Variants in FN3K observed in about 807,000 individuals in gnomAD.
FN3K encodes fructosamine-3-kinase.
FN3K carries 24 observed loss-of-function variants against 24.8 expected under a neutral mutation model. That is an observed-to-expected ratio of 0.97 (90% CI 0.70 to 1.36). The LOEUF is 1.36. FN3K is among the 40% of genes most tolerant of loss of function. FN3K has a pLI of 0.00. For synonymous variants in FN3K, 192 were observed against 175.2 expected, an observed-to-expected ratio of 1.10 and a Z score of -0.76; for missense variants, 449 against 416.7, an observed-to-expected ratio of 1.08 and a Z score of -0.67.
chr17:82,749,180 C>T (rs780886181), intron 5 of FN3K: 30 of 733,476 alleles, frequency 4.1e-5, no homozygotes, highest in Middle Eastern at 2.8e-4. Flanking sequence ...CTTGGCTCCT[C>T]GTGCCCCTCT....
At chr17:82,736,060 T>G (rs1598339515) in intron 1 of FN3K, 1 of 413,698 alleles carries the variant, frequency 2.4e-6, no homozygotes, top group Non-Finnish European at 4.4e-6. Context: ...AGGCTTGGGG[T>G]CCTTGGCTCA....
At chr17:82,747,517 C>T (rs2046975419) in intron 4 of FN3K, among the ~76,000 whole-genome samples, 1 of 152,206 alleles carries the variant, frequency 6.6e-6, no homozygotes, top group African/African-American at 2.4e-5. Context: ...TCTCCTGCCT[C>T]AGCCTCCCGA....
intron 1 of FN3K, among the ~76,000 whole-genome samples, chr17:82,736,944 G>A (rs1335393360): frequency 1.3e-5 from 2 of 150,674 alleles, no homozygotes; most frequent in African/African-American, 2.4e-5. Context: ...ACGAGGGGCC[G>A]GCACATAGTA....
chr17:82,746,810 A>T (rs746981987), intron 4 of FN3K, among the ~76,000 whole-genome samples: 14 of 152,060 alleles, frequency 9.2e-5, no homozygotes, highest in African/African-American at 3.4e-4. Flanking sequence ...GTCTCAAAAA[A>T]AAAATTTCCT....
Position 82,750,862 on chromosome 17 carries a change from C to T in FN3K, c.*107C>T, listed in dbSNP as rs543272952. ...CCCGTCCCTGTCCCCCTGTTCCCGTCTCCCCGTCCCTCCGTCTCCATCCCC... is the reference window on the plus strand; with the variant it reads ...CCCGTCCCTGTCCCCCTGTTCCCGTTTCCCCGTCCCTCCGTCTCCATCCCC... On this transcript the variant is annotated 3_prime_UTR_variant, in exon 6 of 6. Transcript: ENST00000300784. The T allele has an allele frequency of 6.3e-4, 486 of 766,066 alleles. 7 individuals are homozygous for T. The African/African-American group carries it at 0.011, about 18-fold the overall frequency. The allele number at this position is 766,066 out of a possible 1,614,324, so 47.5% of individuals were successfully genotyped here.
At chr17:82,743,474 CCTTG>C (rs2046951724) in intron 4 of FN3K, among the ~76,000 whole-genome samples, 1 of 152,172 alleles carries the variant, frequency 6.6e-6, no homozygotes, top group African/African-American at 2.4e-5. Flanking sequence ...GCTTCCCACT[CCTTG>C]GGAGGGCTCA....
Position 82,748,879 on chromosome 17 carries a change from C to T in FN3K, c.493C>T (p.Pro165Ser). The change falls in exon 5 of 6, where the codon CCG becomes TCG. Residue 165 changes from proline to serine, a missense_variant. Pro to Ser is a moderately conservative substitution (Grantham distance 74, BLOSUM62 -1). Transcript: ENST00000300784. ...PQVNEWQDDW[P>S]TFFARHRLQA... ...GGTGAATGAGTGGCAGGATGACTGG[C>T]CGACCTTTTTCGCCCGGCACCGGCT... 1 of 1,613,248 alleles carries T rather than the reference C, an allele frequency of 6.2e-7. No homozygotes were observed. Among genetic ancestry groups the T allele is most frequent in the Non-Finnish European group, 8.5e-7 (1 of 1,179,970 alleles).
At chr17:82,738,086 G>C (rs1244538699) in intron 1 of FN3K, 8 of 195,942 alleles carry the variant, frequency 4.1e-5, no homozygotes, top group Non-Finnish European at 7.5e-5. Flanking sequence ...GTGTGCCCAA[G>C]TTAGCTCCAG....
In FN3K at chr17:82,735,664, C is replaced by T. The variant is rs1437609508; in HGVS notation, c.28C>T (p.Arg10Cys). The T allele has an allele frequency of 3.9e-6, 6 of 1,538,242 alleles. No homozygotes were observed. Among genetic ancestry groups the T allele is most frequent in the Non-Finnish European group, 5.2e-6 (6 of 1,147,610 alleles). The change falls in exon 1 of 6, where the codon CGC becomes TGC. Residue 10 changes from arginine (R) to cysteine (C), a missense_variant. Arg to Cys is a radical substitution (Grantham distance 180). Transcript: ENST00000300784. ...GGAGCAGCTGCTGCGCGCCGAGCTG[C>T]GCACCGCGACCCTGCGGGCCTTCGG... is the stretch of plus-strand genomic sequence containing the variant. MEQLLRAEL[R>C]TATLRAFGGP...
At chr17:82,748,023 G>A (rs185437119) in intron 4 of FN3K, among the ~76,000 whole-genome samples, 3 of 152,248 alleles carry the variant, frequency 2.0e-5, no homozygotes, top group Admixed American at 2.0e-4. Context: ...TGTTATTAGA[G>A]GTGTAGGCAT....
intron 2 of FN3K, among the ~76,000 whole-genome samples, chr17:82,739,416 G>C (rs1333814647): frequency 6.6e-6 from 1 of 150,880 alleles, no homozygotes; most frequent in East Asian, 1.9e-4. Flanking sequence ...AGCCTCGCGA[G>C]TGGCTGGGAT....
rs779630733 is a variant in FN3K, at chr17:82,740,803, C to G, written c.334C>G (p.Leu112Val). 2 of 1,613,796 alleles carry G rather than the reference C, an allele frequency of 1.2e-6. No individual in the cohort carries two copies. The highest frequency in any genetic ancestry group is 1.7e-6 in the Non-Finnish European group (2 of 1,179,802). Residue 112 changes from leucine to valine, a missense_variant, in exon 3 of 6, where the codon CTT becomes GTT. Leu to Val is a conservative substitution (Grantham distance 32, BLOSUM62 1). Coordinates refer to ENST00000300784, the MANE Select transcript of FN3K (RefSeq NM_022158.4). ...KLGEQMADLH[L>V]YNQKLREKLK... ...TGGAGAGCAGATGGCAGATTTGCAT[C>G]TTTACAACCAGAAGCTCAGGGAGAA...
In FN3K at chr17:82,735,883, T is replaced by A. The variant is rs1021226265; in HGVS notation, c.141+106T>A. ...TCCTGGGGCTGGGCCTGGGGAGGGGTCAGCTTTGGCCCTTGGGAGGTGGCA... is the reference window on the plus strand; with the variant it reads ...TCCTGGGGCTGGGCCTGGGGAGGGGACAGCTTTGGCCCTTGGGAGGTGGCA... On this transcript the variant is annotated intron_variant, in intron 1 of 5. Coordinates refer to ENST00000300784, the MANE Select transcript of FN3K (RefSeq NM_022158.4). The A allele has an allele frequency of 1.8e-4, 261 of 1,456,428 alleles. 1 individual carries two copies. Among genetic ancestry groups the A allele is most frequent in the Non-Finnish European group, 9.4e-5 (102 of 1,083,094 alleles). 90.2% of individuals were successfully genotyped at this position (1,456,428 alleles called of 1,614,324 possible).
chr17:82,749,353 C>T (rs907780793), intron 5 of FN3K: 6 of 351,912 alleles, frequency 1.7e-5, no homozygotes, highest in African/African-American at 1.3e-4. Flanking sequence ...CCAGATGATC[C>T]AGAATGACTG....
intron 1 of FN3K, chr17:82,736,016 T>G: frequency 1.9e-6 from 1 of 531,760 alleles, no homozygotes; most frequent in East Asian, 3.5e-5. Context: ...GGGGTGGTTT[T>G]AACTTTCCTA....
intron 4 of FN3K, chr17:82,745,492 C>CAAA (rs1159345200): frequency 3.9e-5 from 6 of 152,482 alleles, no homozygotes; most frequent in African/African-American, 1.4e-4. Flanking sequence ...CTTGCTTTTC[C>CAAA]CCACACTCTC....
In FN3K at chr17:82,750,856, TCC is replaced by T. The variant is rs2047021689; in HGVS notation, c.*103_*104del. ...TGTGCCCCCGTCCCTGTCCCCCTGT[TCC>T]CGTCTCCCCGTCCCTCCGTCTCCAT... On this transcript the variant is annotated 3_prime_UTR_variant, in exon 6 of 6. Transcript: ENST00000300784. 8.7e-6 allele frequency: 6 copies of T among 685,790 alleles called. No homozygotes were observed. In the East Asian group the frequency reaches 1.4e-4, roughly 16 times the overall value. 42.5% of individuals were successfully genotyped at this position (685,790 alleles called of 1,614,324 possible). A position where few individuals can be genotyped will look rare whatever the true frequency, so the allele number is the denominator to read the frequency against.
Position 82,738,618 on chromosome 17 carries a change from TTGAAGA to T in FN3K, c.278_283del (p.Met93_Lys94del), listed in dbSNP as rs765051579. On this transcript the variant is annotated inframe_deletion, in exon 2 of 6. Coordinates refer to ENST00000300784, the MANE Select transcript of FN3K (RefSeq NM_022158.4). ...TGGGGCCGCCTTTGTGATGGAGCAT[TTGAAGA>T]TGAAGAGCTTGAGCAGGTGAGTGTG... The T allele has an allele frequency of 9.9e-6, 16 of 1,613,962 alleles. No homozygotes were observed. Among genetic ancestry groups the T allele is most frequent in the Non-Finnish European group, 8.5e-7 (1 of 1,179,974 alleles).
At position 82,750,679 on chromosome 17, in the gene FN3K, A is replaced by C. The variant is rs770916058; in HGVS notation, c.854A>C (p.Tyr285Ser). Reference sequence around the variant, plus strand: ...CTGCTGCTCTACCAGCTGTTTAACTACCTGAACCACTGGAACCACTTCGGG... The same window carrying C: ...CTGCTGCTCTACCAGCTGTTTAACTCCCTGAACCACTGGAACCACTTCGGG... Reference protein sequence around the residue: ...QRLLLYQLFNYLNHWNHFGRE... With the variant: ...QRLLLYQLFNSLNHWNHFGRE... The change falls in exon 6 of 6, where the codon TAC becomes TCC. Residue 285 changes from tyrosine to serine, a missense_variant. Coordinates refer to ENST00000300784, the MANE Select transcript of FN3K (RefSeq NM_022158.4). The C allele has an allele frequency of 3.5e-5, 56 of 1,613,712 alleles. No homozygotes were observed. The highest frequency in any genetic ancestry group is 4.5e-5 in the Non-Finnish European group (53 of 1,179,950).
Sources: allele counts gnomAD v4.1 joint callset (sites outside exome capture counted in the v4.1 genomes callset), GRCh38; gene constraint gnomAD v4.1.1; transcripts MANE v1.5; gene names NCBI Gene and HGNC (gene_info 2026-07-23, HGNC 2026-07-21).